Variants in MIPOL1 observed in about 807,000 individuals in gnomAD.
MIPOL1 encodes mirror-image polydactyly gene 1 protein.
A neutral mutation model predicts 60.9 loss-of-function variants in MIPOL1; 57 were observed. The observed-to-expected ratio is 0.94, with a 90% CI of 0.76 to 1.17. The LOEUF is 1.17. Ranked by LOEUF, MIPOL1 falls within the 50% of genes most tolerant of loss-of-function variation. MIPOL1 has a pLI of 0.00. For missense variants in MIPOL1, 551 were observed against 511.6 expected (o/e 1.08, Z -0.74); for synonymous variants, 179 against 168.8 (o/e 1.06, Z -0.47).
At chr14:37,221,795 A>T (rs1192027314) in intron 1 of MIPOL1, among the ~76,000 whole-genome samples, 3 of 152,176 alleles carry the variant, frequency 2.0e-5, no homozygotes, top group African/African-American at 7.2e-5. Flanking sequence ...TTGGGTGGTG[A>T]TACAGAACCA....
chr14:37,314,970 C>G (rs1170858528), intron 9 of MIPOL1, among the ~76,000 whole-genome samples: 1 of 152,122 alleles, frequency 6.6e-6, no homozygotes, highest in African/African-American at 2.4e-5. Flanking sequence ...ATAAAAGGTT[C>G]TTACTCATAT....
intron 9 of MIPOL1, among the ~76,000 whole-genome samples, chr14:37,313,562 T>C (rs193142729): frequency 1.5e-4 from 23 of 152,206 alleles, no homozygotes; most frequent in Admixed American, 1.4e-3. Context: ...GGTAACTGTA[T>C]GGACTTTATG....
At chr14:37,222,596 A>G (rs1424848824) in intron 1 of MIPOL1, among the ~76,000 whole-genome samples, 1 of 152,102 alleles carries the variant, frequency 6.6e-6, no homozygotes. Context: ...TATAACAAGG[A>G]TTGCCTTTAC....
At chr14:37,491,530 A>G (rs942368291) in intron 11 of MIPOL1, among the ~76,000 whole-genome samples, 1 of 152,232 alleles carries the variant, frequency 6.6e-6, no homozygotes, top group African/African-American at 2.4e-5. Context: ...CTCTGTCTCA[A>G]AAAAACCTCC....
At chr14:37,358,839 C>G (rs1010045389) in intron 9 of MIPOL1, among the ~76,000 whole-genome samples, 1 of 152,056 alleles carries the variant, frequency 6.6e-6, no homozygotes, top group African/African-American at 2.4e-5. Context: ...TTAGTTTAAT[C>G]AGATCCTATT....
chr14:37,550,011 A>G lies in MIPOL1; in HGVS notation c.*3040A>G, dbSNP rs964850961. 3 of 152,060 alleles carry G rather than the reference A, an allele frequency of 2.0e-5. No homozygotes were observed. Among genetic ancestry groups the G allele is most frequent in the African/African-American group, 7.2e-5 (3 of 41,566 alleles). The allele number at this position is 152,060 out of a possible 1,614,324, so 9.4% of individuals were successfully genotyped here. A position where few individuals can be genotyped will look rare whatever the true frequency, so the allele number is the denominator to read the frequency against. ...AAGTTATTGGTTATAAGCAAGGTATAAGCAGTTAAAGCAAAGTTATTAATT... is the reference window on the plus strand; with the variant it reads ...AAGTTATTGGTTATAAGCAAGGTATGAGCAGTTAAAGCAAAGTTATTAATT... On this transcript the variant is annotated 3_prime_UTR_variant, in exon 13 of 13. Coordinates refer to ENST00000684589, the MANE Select transcript of MIPOL1 (RefSeq NM_001388067.1).
In MIPOL1 at chr14:37,384,908, A is replaced by G. The variant is rs1203441923; in HGVS notation, c.936+15284A>G. Among the ~76,000 whole-genome samples the G allele has an allele frequency of 2.0e-5, 3 of 152,082 alleles. No homozygotes were observed. In the East Asian group the frequency reaches 5.8e-4, roughly 29 times the overall value. ...CCAAAACCTGAGTTCCATGTTTTGTAGCAGTTTGGGAATTATTTTACTTTC... is the reference window on the plus strand; with the variant it reads ...CCAAAACCTGAGTTCCATGTTTTGTGGCAGTTTGGGAATTATTTTACTTTC... On this transcript the variant is annotated intron_variant, in intron 10 of 12. Coordinates refer to ENST00000684589, the MANE Select transcript of MIPOL1 (RefSeq NM_001388067.1).
At chr14:37,302,259 G>GTTTTTTTTTTTTTTTTTTTT (rs1244984056) in intron 7 of MIPOL1, among the ~76,000 whole-genome samples, 1 of 58,590 alleles carries the variant, frequency 1.7e-5, no homozygotes, top group Non-Finnish European at 2.9e-5. Flanking sequence ...ATTTGGAACT[G>GTTTTTTTTTTTTTTTTTTTT]TTGTTTTTTT....
intron 12 of MIPOL1, among the ~76,000 whole-genome samples, chr14:37,515,230 A>G (rs1047782888): frequency 2.6e-5 from 4 of 152,014 alleles, no homozygotes; most frequent in African/African-American, 9.7e-5. Flanking sequence ...TTCTTCCTTC[A>G]GTGTTATACA....
intron 1 of MIPOL1, among the ~76,000 whole-genome samples, chr14:37,200,668 T>TTG (rs1965095250): frequency 1.3e-5 from 2 of 150,260 alleles, no homozygotes; most frequent in African/African-American, 4.9e-5. Flanking sequence ...CAGTTAGTTT[T>TTG]TTTTTTTTTT....
chr14:37,534,781 G>A (rs748402290), intron 12 of MIPOL1, among the ~76,000 whole-genome samples: 4 of 152,084 alleles, frequency 2.6e-5, no homozygotes, highest in Non-Finnish European at 5.9e-5. Flanking sequence ...CTTCTGTTAC[G>A]TACTTTCCTA....
chr14:37,292,090 T>TTATTTTTTG (rs1331201957), intron 7 of MIPOL1, among the ~76,000 whole-genome samples: 1 of 151,674 alleles, frequency 6.6e-6, no homozygotes, highest in Non-Finnish European at 1.5e-5. Flanking sequence ...CATGCCCGGC[T>TTATTTTTTG]TATTTTTTGT....
intron 1 of MIPOL1, among the ~76,000 whole-genome samples, chr14:37,215,152 C>T (rs766512187): frequency 5.3e-5 from 8 of 152,110 alleles, no homozygotes; most frequent in East Asian, 1.9e-4. Context: ...TCTCTCTGTC[C>T]GCCTTGGCTG....
chr14:37,436,922 AG>A (rs1459033184), intron 11 of MIPOL1, among the ~76,000 whole-genome samples: 3 of 152,224 alleles, frequency 2.0e-5, no homozygotes, highest in African/African-American at 7.2e-5. Context: ...CAAGTCTGCA[AG>A]GGTCAAAATT....
intron 11 of MIPOL1, among the ~76,000 whole-genome samples, chr14:37,442,622 A>AC (rs923102293): frequency 3.9e-4 from 59 of 151,864 alleles, no homozygotes; most frequent in African/African-American, 1.3e-3. Context: ...CTGCACATGT[A>AC]CCCCCGAATC....
intron 12 of MIPOL1, among the ~76,000 whole-genome samples, chr14:37,517,040 G>C (rs2095374645): frequency 6.6e-6 from 1 of 151,990 alleles, no homozygotes; most frequent in African/African-American, 2.4e-5. Flanking sequence ...AAAGTTAAAG[G>C]GGAGGCAACT....
intron 12 of MIPOL1, among the ~76,000 whole-genome samples, chr14:37,526,545 A>ATTTT (rs760730621): frequency 2.6e-5 from 3 of 116,700 alleles, no homozygotes; most frequent in African/African-American, 8.8e-5. Context: ...AATTTTTTGT[A>ATTTT]TTTTTTTTTT....
At chr14:37,338,364 C>A (rs1337375427) in intron 9 of MIPOL1, among the ~76,000 whole-genome samples, 3 of 151,532 alleles carry the variant, frequency 2.0e-5, no homozygotes, top group African/African-American at 7.3e-5. Context: ...CTCGCCTTGG[C>A]CTCCCAAAGT....
intron 9 of MIPOL1, among the ~76,000 whole-genome samples, chr14:37,347,715 A>T (rs529688225): frequency 6.6e-6 from 1 of 152,278 alleles, no homozygotes; most frequent in South Asian, 2.1e-4. Flanking sequence ...CCTACAAAGG[A>T]ATTACTGTGA....
Sources: gnomAD v4.1 joint callset for allele counts (sites outside exome capture counted in the v4.1 genomes callset) on GRCh38, gnomAD v4.1.1 for gene constraint, MANE v1.5 for transcripts, NCBI Gene and HGNC (gene_info 2026-07-23, HGNC 2026-07-21) for gene names.